Variants in LMO7 observed in about 807,000 individuals in gnomAD.
The protein encoded by LMO7 is LIM domain only protein 7.
Under a neutral mutation model 206.5 loss-of-function variants are expected in LMO7, and 120 were observed. The ratio of observed to expected loss-of-function variants is 0.58; its 90% CI spans 0.50 to 0.68. The LOEUF (loss-of-function observed/expected upper bound fraction) is 0.68, where lower values mean the gene tolerates loss of function less well. LMO7 is among the 30% of genes least tolerant of loss of function. The pLI is 0.00. For synonymous variants in LMO7, 706 were observed against 681.5 expected (o/e 1.04, Z -0.56); for missense variants, 1,959 against 1,957.9 (o/e 1.00, Z -0.01).
Position 75,696,553 on chromosome 13 carries a change from T to G in LMO7, c.70-16629T>G, listed in dbSNP as rs373974026. The stretch of plus-strand genomic sequence containing the variant: ...CTCTCAGGTTCTTTCCACTCAAAGT[T>G]TTTCAGAGACCATTCTTAGTAAAAC... On this transcript the variant is annotated intron_variant, in intron 1 of 30. Transcript: ENST00000377534. 1.6e-3 allele frequency among the ~76,000 whole-genome samples: 246 copies of G among 152,164 alleles called. 10 individuals carry two copies. The South Asian group carries it at 0.05, about 31-fold the overall frequency.
chr13:75,820,997 C>CAA (rs33919449), intron 13 of LMO7, among the ~76,000 whole-genome samples, 180 bp from the exon 14 acceptor site: 1 of 126,800 alleles, frequency 7.9e-6, no homozygotes, highest in African/African-American at 3.0e-5. Flanking sequence ...GATTCGGTCT[C>CAA]AAAAAAAAAA....
At position 75,805,592 on chromosome 13, in the gene LMO7, A is replaced by G. The variant is rs182275016; in HGVS notation, c.1028A>G (p.Asn343Ser). ...EEKAKTRSIP[N>S]IVKDDLYVRK... Reference sequence around the variant, plus strand: ...AAAGCAAAGACAAGAAGCATACCCAACATTGTAAAGGATGATCTTTATGTG... The same window carrying G: ...AAAGCAAAGACAAGAAGCATACCCAGCATTGTAAAGGATGATCTTTATGTG... Residue 343 changes from asparagine (N) to serine (S), a missense_variant, in exon 9 of 31, where the codon AAC becomes AGC. By Grantham distance (46) the Asn-to-Ser change is conservative (BLOSUM62 1). Coordinates refer to ENST00000377534, the MANE Select transcript of LMO7 (RefSeq NM_001306080.2). 50 of 1,614,076 alleles carry G rather than the reference A, an allele frequency of 3.1e-5. No individual in the cohort carries two copies. Among genetic ancestry groups the G allele is most frequent in the Middle Eastern group, 3.3e-4 (2 of 6,062 alleles).
rs529507934 is a variant in LMO7 at position 75,631,311 on chromosome 13, C to G, written c.225+7991C>G. The G allele has an allele frequency of 2.0e-5, 3 of 152,366 alleles. No homozygotes were observed. In the East Asian group the frequency reaches 5.8e-4, roughly 29 times the overall value. 9.4% of individuals were successfully genotyped at this position (152,366 alleles called of 1,614,324 possible). A position where few individuals can be genotyped will look rare whatever the true frequency, so the allele number is the denominator to read the frequency against. On this transcript the variant is annotated intron_variant, in intron 2 of 29. Coordinates refer to the LMO7 transcript ENST00000341547. ...TGCTGGGATTACAGGTGTGAGCCAC[C>G]GCAACTGGCCTCCTTTTACATTCTT...
rs115703950 is a variant in LMO7 at position 75,747,894 on chromosome 13, G to A, written c.211-13038G>A. On this transcript the variant is annotated intron_variant, in intron 3 of 30. Transcript: ENST00000377534. ...CATCCCTGTAAGAGGAAGATGGAAC[G>A]AGGAGAGGGAGAACCAGATAGATGG... 2.5e-3 allele frequency among the ~76,000 whole-genome samples: 381 copies of A among 152,316 alleles called. 2 individuals carry two copies. The highest frequency in any genetic ancestry group is 4.5e-3 in the African/African-American group (186 of 41,562).
intron 2 of LMO7, among the ~76,000 whole-genome samples, chr13:75,724,722 T>G (rs1295166707): frequency 6.6e-6 from 1 of 152,160 alleles, no homozygotes; most frequent in African/African-American, 2.4e-5. Context: ...CCTTTAATTT[T>G]ATATGAAAAT....
intron 1 of LMO7, among the ~76,000 whole-genome samples, chr13:75,677,689 T>C (rs1439462759): frequency 6.7e-6 from 1 of 150,212 alleles, no homozygotes; most frequent in East Asian, 2.0e-4. Flanking sequence ...ATGTGCACAA[T>C]GTGCAGGTTT....
At chr13:75,833,418 A>G (rs1225897045) in intron 16 of LMO7, among the ~76,000 whole-genome samples, 3 of 152,164 alleles carry the variant, frequency 2.0e-5, no homozygotes, top group African/African-American at 4.8e-5. Context: ...GATTTTATCC[A>G]TTTTGGACTT....
intron 4 of LMO7, among the ~76,000 whole-genome samples, chr13:75,779,635 G>A (rs1464357461): frequency 3.3e-5 from 5 of 152,142 alleles, no homozygotes; most frequent in African/African-American, 1.2e-4. Flanking sequence ...AGGCTAAATA[G>A]GAAGTGCATG....
At position 75,823,565 on chromosome 13, in the gene LMO7, A is replaced by G. The variant is rs151245949; in HGVS notation, c.2641A>G (p.Met881Val). Reference sequence around the variant, plus strand: ...TTTAAAATGATGTTTTCTTATTTAGATGGATGATGCTTGGAAGTATAATGG... The same window carrying G: ...TTTAAAATGATGTTTTCTTATTTAGGTGGATGATGCTTGGAAGTATAATGG... ...GISSLPRSYT[M>V]DDAWKYNGDV... Residue 881 changes from methionine to valine, a missense_variant and splice_region_variant, in exon 15 of 31, where the codon ATG (methionine) becomes GTG (valine). Transcript: ENST00000377534. 6.7e-4 allele frequency: 1,072 copies of G among 1,592,466 alleles called. 2 individuals carry two copies. The highest frequency in any genetic ancestry group is 8.3e-4 in the Non-Finnish European group (970 of 1,162,930).
intron 6 of LMO7, among the ~76,000 whole-genome samples, chr13:75,798,625 C>T (rs765346210): frequency 9.2e-5 from 14 of 152,174 alleles, no homozygotes; most frequent in Non-Finnish European, 1.8e-4. Context: ...GTGACTATAT[C>T]ACATGTTTTG....
intron 1 of LMO7, among the ~76,000 whole-genome samples, chr13:75,649,927 C>A (rs1594057906): frequency 6.6e-6 from 1 of 152,144 alleles, no homozygotes; most frequent in Admixed American, 6.5e-5. Context: ...TTTCTCCTTT[C>A]AAAATAGGGG....
chr13:75,761,342 CT>C (rs1306636712), intron 4 of LMO7, among the ~76,000 whole-genome samples: 2 of 152,054 alleles, frequency 1.3e-5, no homozygotes, highest in South Asian at 4.1e-4. Flanking sequence ...GTTGAGGATA[CT>C]CATAAAGTGA....
chr13:75,668,742 G>A (rs989120903), intron 1 of LMO7, among the ~76,000 whole-genome samples: 1 of 152,164 alleles, frequency 6.6e-6, no homozygotes, highest in Admixed American at 6.5e-5. Flanking sequence ...GACCATCCCA[G>A]AAGTAGAATT....
At chr13:75,813,084 A>C (rs2056596767) in intron 11 of LMO7, among the ~76,000 whole-genome samples, 1 of 152,230 alleles carries the variant, frequency 6.6e-6, no homozygotes, top group Non-Finnish European at 1.5e-5. Context: ...TTCGCCTCTG[A>C]GATAATTCAC....
intron 2 of LMO7, among the ~76,000 whole-genome samples, chr13:75,720,459 G>A (rs2328956): frequency 0.44 from 66,624 of 151,958 alleles, 14,951 homozygotes; most frequent in East Asian, 0.61. Flanking sequence ...AGTTTTAATA[G>A]TTTTTGGTTT....
At chr13:75,820,622 T>C (rs1242028080) in intron 13 of LMO7, among the ~76,000 whole-genome samples, 1 of 152,208 alleles carries the variant, frequency 6.6e-6, no homozygotes, top group Non-Finnish European at 1.5e-5. Flanking sequence ...ATTAATAATA[T>C]CCCAGTGAAG....
At chr13:75,628,015 A>G (rs1261881824) in intron 2 of LMO7, 1 of 152,166 alleles carries the variant, frequency 6.6e-6, no homozygotes, top group African/African-American at 2.4e-5. Context: ...GTAGGAAGAA[A>G]ACAACCAACT....
intron 3 of LMO7, among the ~76,000 whole-genome samples, chr13:75,749,832 CTTT>C (rs35260978): frequency 6.9e-6 from 1 of 144,752 alleles, no homozygotes; most frequent in African/African-American, 2.5e-5. Context: ...TCACCCCCAC[CTTT>C]TTTTTTTTGG....
intron 12 of LMO7, 70 bp downstream of exon 12, chr13:75,817,348 A>G (rs753825366): frequency 8.5e-5 from 82 of 964,718 alleles, no homozygotes; most frequent in Non-Finnish European, 1.2e-4. Flanking sequence ...CTTAAAGTCA[A>G]TATACTCAAG....
Sources: allele counts gnomAD v4.1 joint callset (sites outside exome capture counted in the v4.1 genomes callset), GRCh38; gene constraint gnomAD v4.1.1; transcripts MANE v1.5; gene names NCBI Gene and HGNC (gene_info 2026-07-23, HGNC 2026-07-21).